The following DOCK8 variants were observed in gnomAD, a reference collection of about 807,000 sequenced individuals.
DOCK8 encodes the protein dedicator of cytokinesis protein 8.
Under a neutral mutation model 245.6 loss-of-function variants are expected in DOCK8, and 141 were observed. That is an observed-to-expected ratio of 0.57 (90% CI 0.50 to 0.66). DOCK8 has a LOEUF of 0.66. DOCK8 is among the 30% of genes least tolerant of loss of function. DOCK8 has a pLI of 0.00. For missense variants in DOCK8, 2,965 were observed against 2,603.4 expected (o/e 1.14, Z -3.02); for synonymous variants, 1,168 against 970.2 (o/e 1.20, Z -3.79).
chr9:250,172 C>T (rs1345685208), intron 1 of DOCK8, among the ~76,000 whole-genome samples: 5 of 152,066 alleles, frequency 3.3e-5, no homozygotes, highest in Admixed American at 6.6e-5. Flanking sequence ...GTTCAAGATG[C>T]GAGGGCAAGA....
At chr9:275,232 A>C (rs531630584) in intron 2 of DOCK8, among the ~76,000 whole-genome samples, 5 of 152,338 alleles carry the variant, frequency 3.3e-5, no homozygotes, top group Non-Finnish European at 5.9e-5. Flanking sequence ...GGCACTATGG[A>C]GACACTGTGG....
chr9:237,760 G>C (rs1410039582), intron 1 of DOCK8, among the ~76,000 whole-genome samples: 2 of 152,204 alleles, frequency 1.3e-5, no homozygotes, highest in East Asian at 3.9e-4. Flanking sequence ...AAGCAGCCGG[G>C]TTGTTCAGCC....
intron 28 of DOCK8, among the ~76,000 whole-genome samples, chr9:407,361 T>C (rs2131551951): frequency 6.6e-6 from 1 of 152,336 alleles, no homozygotes; most frequent in South Asian, 2.1e-4. Flanking sequence ...CCAAGGATGC[T>C]TTGATTAGTG....
chr9:461,732 G>A (rs1401197553), intron 46 of DOCK8, among the ~76,000 whole-genome samples: 3 of 151,304 alleles, frequency 2.0e-5, no homozygotes, highest in Non-Finnish European at 4.4e-5. Context: ...TGTAGAGATG[G>A]GGTTTTGCCA....
intron 14 of DOCK8, among the ~76,000 whole-genome samples, chr9:342,695 C>T (rs913432360): frequency 7.2e-5 from 11 of 152,234 alleles, no homozygotes; most frequent in African/African-American, 2.4e-4. Context: ...GTCTTGAACT[C>T]CTGACCTCGT....
At chr9:335,802 T>A (rs2051281281) in intron 11 of DOCK8, among the ~76,000 whole-genome samples, 1 of 152,006 alleles carries the variant, frequency 6.6e-6, no homozygotes, top group Admixed American at 6.6e-5. Flanking sequence ...GAATGGCAAG[T>A]TTAGGTGGGT....
At chr9:415,928 T>C (rs2055984233) in intron 29 of DOCK8, among the ~76,000 whole-genome samples, 1 of 152,226 alleles carries the variant, frequency 6.6e-6, no homozygotes, top group Admixed American at 6.5e-5. Flanking sequence ...AAATTGTTTA[T>C]AATACTATTA....
intron 45 of DOCK8, 24 bp from the exon 46 acceptor site, chr9:451,987 T>C (rs562910347): frequency 5.6e-6 from 1 of 177,906 alleles, no homozygotes; most frequent in Admixed American, 9.7e-5. Context: ...ATTTTTTTTT[T>C]TTTTTTTTTT....
At chr9:463,741 G>A in intron 47 of DOCK8, 54 bp downstream of exon 47, 1 of 1,604,324 alleles carries the variant, frequency 6.2e-7, no homozygotes, top group South Asian at 1.1e-5. Context: ...CAGCGCATGG[G>A]GCCTAGCACC....
intron 1 of DOCK8, among the ~76,000 whole-genome samples, chr9:228,919 T>A (rs897900781): frequency 3.9e-5 from 6 of 152,310 alleles, no homozygotes; most frequent in East Asian, 3.9e-4. Flanking sequence ...GTGCTGACTG[T>A]TGGCTGAGCT....
At position 421,030 on chromosome 9, in the gene DOCK8, C is replaced by T; in HGVS notation, c.4105C>T (p.Leu1369Phe). The T allele has an allele frequency of 6.2e-7, 1 of 1,614,188 alleles. No homozygotes were observed. The highest frequency in any genetic ancestry group is 8.5e-7 in the Non-Finnish European group (1 of 1,180,020). ...DVKARLEEALLRGEGARGEMM... is the reference protein window; with the variant it reads ...DVKARLEEALFRGEGARGEMM... The stretch of plus-strand genomic sequence containing the variant: ...CAAGGCCCGGCTGGAAGAGGCTTTG[C>T]TCCGTGGGGAAGGGGCCAGAGGGGA... Residue 1369 changes from leucine to phenylalanine, a missense_variant, in exon 32 of 48, where the codon CTC becomes TTC. Physicochemically the swap from Leu to Phe is conservative, Grantham distance 22. Around this residue, in one of 3 missense-constraint regions of DOCK8, gnomAD observed 2,825 missense variants for 2,453.5 expected, o/e 1.15. Coordinates refer to ENST00000432829, the MANE Select transcript of DOCK8 (RefSeq NM_203447.4).
chr9:269,764 G>A (rs2048116107), intron 1 of DOCK8, among the ~76,000 whole-genome samples: 1 of 151,896 alleles, frequency 6.6e-6, no homozygotes, highest in South Asian at 2.1e-4. Flanking sequence ...CACCATGTTG[G>A]CCAGGCTGGT....
At chr9:409,358 A>T (rs1390651253) in intron 28 of DOCK8, among the ~76,000 whole-genome samples, 1 of 152,236 alleles carries the variant, frequency 6.6e-6, no homozygotes, top group Non-Finnish European at 1.5e-5. Flanking sequence ...GCAAATTGCA[A>T]TGCCTAATTC....
chr9:252,797 C>A (rs1163799055), intron 1 of DOCK8, among the ~76,000 whole-genome samples: 41 of 142,788 alleles, frequency 2.9e-4, no homozygotes, highest in South Asian at 2.2e-4. Flanking sequence ...GACTCCATCT[C>A]AAAAAAAAAA....
chr9:368,191 A>C (rs1381356317), intron 15 of DOCK8, 56 bp downstream of exon 15: 2 of 1,387,430 alleles, frequency 1.4e-6, no homozygotes, highest in East Asian at 2.3e-5. Flanking sequence ...CACCCCTGTC[A>C]CTTCACACAA....
intron 1 of DOCK8, among the ~76,000 whole-genome samples, chr9:220,122 T>C (rs1025978631): frequency 9.2e-5 from 14 of 152,324 alleles, no homozygotes; most frequent in African/African-American, 3.4e-4. Context: ...GGAATTGCTT[T>C]ATTTGTCTGA....
intron 2 of DOCK8, chr9:277,125 A>C: frequency 5.6e-6 from 1 of 177,388 alleles, no homozygotes; most frequent in South Asian, 8.4e-5. Flanking sequence ...CTGATTGTTC[A>C]AAGTAGAAGC....
At chr9:257,730 G>C (rs1227290904) in intron 1 of DOCK8, among the ~76,000 whole-genome samples, 1 of 152,142 alleles carries the variant, frequency 6.6e-6, no homozygotes, top group Non-Finnish European at 1.5e-5. Flanking sequence ...TGTTGGCCAG[G>C]ATGGTCTTGA....
At chr9:403,976 GTGTATATATATATATGTGTA>G (rs2055289545) in intron 26 of DOCK8, among the ~76,000 whole-genome samples, 3 of 66,890 alleles carry the variant, frequency 4.5e-5, no homozygotes, top group East Asian at 8.8e-4. Flanking sequence ...ATATATATAT[GTGTATATATATATATGTGTA>G]TATATATATA....
Sources: gnomAD v4.1 joint callset for allele counts (sites outside exome capture counted in the v4.1 genomes callset) on GRCh38, gnomAD v4.1.1 for gene constraint, gnomAD v4.1.1 regional missense constraint, MANE v1.5 for transcripts, NCBI Gene and HGNC (gene_info 2026-07-23, HGNC 2026-07-21) for gene names.